ZNF341: variants seen among roughly 807,000 people sequenced by gnomAD.
ZNF341 encodes zinc finger protein 341.
In ZNF341, 52 loss-of-function variants were observed where a neutral mutation model predicts 87.7. That is an observed-to-expected ratio of 0.59 (90% CI 0.47 to 0.75). ZNF341 has a LOEUF of 0.75. Among genes scored for constraint, ZNF341 ranks in the 30% least tolerant of loss-of-function variants. The pLI, the probability that ZNF341 is intolerant of heterozygous loss-of-function variation, is 0.00. For synonymous variants in ZNF341, 459 were observed against 472.7 expected (o/e 0.97, Z 0.38); for missense variants, 977 against 1,145.9 (o/e 0.85, Z 2.13).
intron 4 of ZNF341, among the ~76,000 whole-genome samples, chr20:33,750,791 C>T (rs549843675): frequency 4.9e-4 from 75 of 152,246 alleles, no homozygotes; most frequent in African/African-American, 1.8e-3. Flanking sequence ...CAGGCACCCG[C>T]CACCATGTCT....
intron 7 of ZNF341, among the ~76,000 whole-genome samples, chr20:33,759,446 G>A (rs565135390): frequency 5.9e-5 from 9 of 152,158 alleles, no homozygotes; most frequent in East Asian, 3.9e-4. Flanking sequence ...CACCACGCCC[G>A]GCTAATTTTG....
chr20:33,766,773 G>C, intron 8 of ZNF341, 78 bp from the exon 9 acceptor site: 1 of 1,456,804 alleles, frequency 6.9e-7, no homozygotes, highest in Non-Finnish European at 9.2e-7. Flanking sequence ...GAACACAGAG[G>C]AGCACGGAGT....
chr20:33,764,562 T>TATATATATATA (rs1491532951), intron 8 of ZNF341, among the ~76,000 whole-genome samples: 56 of 40,266 alleles, frequency 1.4e-3, no homozygotes, highest in East Asian at 0.011. Flanking sequence ...TATATATATA[T>TATATATATATA]TTTTTTTTTT....
rs780468263 is a variant in ZNF341, at chr20:33,788,908, G to A, written c.1898G>A (p.Arg633His). 18 of 1,613,882 alleles carry A rather than the reference G, an allele frequency of 1.1e-5. No individual in the cohort carries two copies. In the South Asian group the frequency reaches 1.4e-4, roughly 13 times the overall value. The change falls in exon 13 of 15, where the codon CGC (arginine) becomes CAC (histidine). Residue 633 changes from arginine (R) to histidine (H), a missense_variant. This residue lies in a region of ZNF341 where 241 missense variants were observed against 335.0 expected (regional missense o/e 0.72). Transcript: ENST00000375200. The part of the protein sequence containing the change: ...KCSVCESAFN[R>H]KDKLKRHMLI... ...TCAGTGTGCGAGTCTGCGTTCAACC[G>A]CAAGGACAAACTGAAGAGACACATG...
intron 6 of ZNF341, 63 bp from the exon 7 acceptor site, chr20:33,758,653 T>C (rs2019229841): frequency 7.5e-7 from 1 of 1,339,850 alleles, no homozygotes; most frequent in South Asian, 1.2e-5. Flanking sequence ...AGTCAGAGGC[T>C]GCCCTTGGTG....
rs781085090 is a variant in ZNF341 at position 33,770,232 on chromosome 20, A to G, written c.1562A>G (p.His521Arg). ...CCCTCGCTGTACGACCTGGGCGTGCACCAGTACTCCCACAGCCTCCTGCCA... is the reference window on the plus strand; with the variant it reads ...CCCTCGCTGTACGACCTGGGCGTGCGCCAGTACTCCCACAGCCTCCTGCCA... ...DFPSLYDLGV[H>R]QYSHSLLPQH... The change falls in exon 10 of 15, where the codon CAC becomes CGC. Residue 521 changes from histidine (H) to arginine (R), a missense_variant. His to Arg is a conservative substitution (Grantham distance 29). Around this residue, in one of 3 missense-constraint regions of ZNF341, gnomAD observed 241 missense variants for 335.0 expected, o/e 0.72. Transcript: ENST00000375200. 5 of 1,597,982 alleles carry G rather than the reference A, an allele frequency of 3.1e-6. No individual in the cohort carries two copies. In the South Asian group the frequency reaches 5.5e-5, roughly 18 times the overall value.
chr20:33,791,748 T>C lies in ZNF341; in HGVS notation c.*231T>C. On this transcript the variant is annotated 3_prime_UTR_variant, in exon 15 of 15. Coordinates refer to ENST00000375200, the MANE Select transcript of ZNF341 (RefSeq NM_001282933.2). ...TGGGGGCAGGGCCATCCACGGTTTC[T>C]GGGCAGAGCCATGGTGGCAGGAGAG... The C allele has an allele frequency of 4.1e-6, 2 of 487,422 alleles. No individual in the cohort carries two copies. Among genetic ancestry groups the C allele is most frequent in the Non-Finnish European group, 7.2e-6 (2 of 277,734 alleles). The allele number at this position is 487,422 out of a possible 1,614,324, so 30.2% of individuals were successfully genotyped here. A position where few individuals can be genotyped will look rare whatever the true frequency, so the allele number is the denominator to read the frequency against.
chr20:33,745,334 T>C (rs771945786), intron 3 of ZNF341, 35 bp downstream of exon 3: 3 of 1,592,368 alleles, frequency 1.9e-6, no homozygotes, highest in Non-Finnish European at 1.7e-6. Context: ...CATGTCTTTT[T>C]TGAGGGCCTA....
chr20:33,742,758 C>T (rs1319876313), intron 2 of ZNF341, among the ~76,000 whole-genome samples: 1 of 152,172 alleles, frequency 6.6e-6, no homozygotes, highest in East Asian at 1.9e-4. Flanking sequence ...AGCCACAGTG[C>T]CCTGTCCATG....
intron 5 of ZNF341, 80 bp from the exon 6 acceptor site, chr20:33,757,068 G>A: frequency 8.3e-7 from 1 of 1,206,964 alleles, no homozygotes; most frequent in Non-Finnish European, 1.1e-6. Context: ...GTCAATCAGG[G>A]AGGCAGGGAG....
intron 10 of ZNF341, among the ~76,000 whole-genome samples, chr20:33,776,479 C>T (rs944716213): frequency 5.3e-5 from 8 of 152,004 alleles, no homozygotes; most frequent in South Asian, 4.1e-4. Flanking sequence ...CCTTCGCCTC[C>T]GGGGCTCAAG....
intron 5 of ZNF341, 143 bp downstream of exon 5, chr20:33,753,566 G>A (rs1036993089): frequency 9.0e-7 from 1 of 1,109,766 alleles, no homozygotes; most frequent in Non-Finnish European, 1.2e-6. Context: ...TTCATGGGGT[G>A]TACCACATCA....
intron 10 of ZNF341, among the ~76,000 whole-genome samples, chr20:33,775,165 T>C (rs952015477): frequency 2.0e-5 from 3 of 152,096 alleles, no homozygotes; most frequent in African/African-American, 7.2e-5. Context: ...TTTGCTCTTT[T>C]CTAAGTTCCT....
chr20:33,738,463 T>G (rs1031956908), intron 1 of ZNF341, among the ~76,000 whole-genome samples: 18 of 152,198 alleles, frequency 1.2e-4, no homozygotes, highest in Non-Finnish European at 1.5e-4. Flanking sequence ...GAAGGGCTAT[T>G]ATCATTTAAA....
chr20:33,771,789 G>A (rs2122708716), intron 10 of ZNF341, among the ~76,000 whole-genome samples: 1 of 151,378 alleles, frequency 6.6e-6, no homozygotes, highest in South Asian at 2.1e-4. Flanking sequence ...GCTGAGGTGG[G>A]AGGATGGCTT....
chr20:33,758,932 G>A (rs1009994600), intron 7 of ZNF341, 126 bp downstream of exon 7: 2 of 778,854 alleles, frequency 2.6e-6, no homozygotes, highest in Non-Finnish European at 4.3e-6. Flanking sequence ...GCATGTTCAG[G>A]CTGTAGTCCA....
chr20:33,745,521 C>T (rs1330505406), intron 3 of ZNF341, among the ~76,000 whole-genome samples: 2 of 151,916 alleles, frequency 1.3e-5, no homozygotes, highest in African/African-American at 4.8e-5. Context: ...TATTGTCTAT[C>T]GTGCTTGGGG....
At position 33,753,389 on chromosome 20, in the gene ZNF341, A is replaced by G; in HGVS notation, c.707A>G (p.Gln236Arg). 6.2e-7 allele frequency: 1 copy of G among 1,606,738 alleles called. No homozygotes were observed. The highest frequency in any genetic ancestry group is 1.3e-5 in the African/African-American group (1 of 74,910). ...PLAGSGTVEI[Q>R]ALGMQPYPPL... Reference sequence around the variant, plus strand: ...GCTGGGAGTGGAACGGTGGAGATCCAGGCACTGGGGATGCAGCCCTACCCA... The same window carrying G: ...GCTGGGAGTGGAACGGTGGAGATCCGGGCACTGGGGATGCAGCCCTACCCA... Residue 236 changes from glutamine (Q) to arginine (R), a missense_variant, in exon 5 of 15, where the codon CAG (glutamine) becomes CGG (arginine). By Grantham distance (43) the Gln-to-Arg change is conservative. This residue lies in a region of ZNF341 where 515 missense variants were observed against 598.2 expected (regional missense o/e 0.86). Transcript: ENST00000375200.
At chr20:33,751,559 TTTTGTTTG>T (rs145914417) in intron 4 of ZNF341, among the ~76,000 whole-genome samples, 2 of 151,662 alleles carry the variant, frequency 1.3e-5, no homozygotes, top group East Asian at 3.9e-4. Context: ...AAAGCCAGGG[TTTTGTTTG>T]TTTGTTTGTT....
Sources: gnomAD v4.1 joint callset for allele counts (sites outside exome capture counted in the v4.1 genomes callset) on GRCh38, gnomAD v4.1.1 for gene constraint, gnomAD v4.1.1 regional missense constraint, MANE v1.5 for transcripts, NCBI Gene and HGNC (gene_info 2026-07-23, HGNC 2026-07-21) for gene names.